MBP: variants seen among roughly 807,000 people sequenced by gnomAD.
The protein encoded by MBP is myelin basic protein.
Under a neutral mutation model 35.8 loss-of-function variants are expected in MBP, and 16 were observed. That is an observed-to-expected ratio of 0.45 (90% CI 0.30 to 0.68). The LOEUF is 0.68. MBP is among the 30% of genes least tolerant of loss of function. MBP has a pLI of 0.08. For missense variants in MBP, 380 were observed against 404.7 expected, an observed-to-expected ratio of 0.94 and a Z score of 0.52; for synonymous variants, 143 against 159.6, an observed-to-expected ratio of 0.90 and a Z score of 0.78.
At chr18:77,009,964 T>A in intron 4 of MBP, 1 of 1,455,534 alleles carries the variant, frequency 6.9e-7, no homozygotes, top group South Asian at 1.2e-5. Context: ...TGAGTCCGGG[T>A]GGGCGCCGCC....
At position 77,131,306 on chromosome 18, in the gene MBP, G is replaced by T. The variant is rs930183726; in HGVS notation, c.-26+1274C>A. ...ACGGTCCCCTGACTTGAGGGTGACCGTCCTTAAACTGTCCCCCGGAGCTTC... is the reference window on the plus strand; with the variant it reads ...ACGGTCCCCTGACTTGAGGGTGACCTTCCTTAAACTGTCCCCCGGAGCTTC... On this transcript the variant is annotated intron_variant, in intron 1 of 8. Coordinates refer to ENST00000355994, the MANE Select transcript of MBP (RefSeq NM_001025101.2). The surrounding 1 kb of genome is among the most constrained non-coding windows in gnomAD (Gnocchi z 5.5). 3.3e-5 allele frequency among the ~76,000 whole-genome samples: 5 copies of T among 152,146 alleles called. No individual in the cohort carries two copies. Among genetic ancestry groups the T allele is most frequent in the Non-Finnish European group, 5.9e-5 (4 of 68,028 alleles).
At chr18:76,997,847 G>A (rs8085851) in intron 4 of MBP, among the ~76,000 whole-genome samples, 2,425 of 151,948 alleles carry the variant, frequency 0.016, 42 homozygotes, top group African/African-American at 0.046. Context: ...ACGCCCGGCT[G>A]ATTTTTTTGT....
At chr18:77,080,304 G>C (rs978757695) in intron 2 of MBP, among the ~76,000 whole-genome samples, 5 of 152,242 alleles carry the variant, frequency 3.3e-5, no homozygotes, top group Non-Finnish European at 5.9e-5. Context: ...CATTTCAAAG[G>C]CATCCCCTTT....
chr18:77,130,368 A>C (rs1157840987), intron 1 of MBP, among the ~76,000 whole-genome samples: 1 of 149,640 alleles, frequency 6.7e-6, no homozygotes, highest in South Asian at 2.1e-4. Context: ...AGAGTAACTT[A>C]ACCTCTCTGG....
chr18:77,131,560 A>C lies in MBP; in HGVS notation c.-26+1020T>G, dbSNP rs1210237884. The C allele has an allele frequency of 1.3e-5, 2 of 152,064 alleles. No individual in the cohort carries two copies. The highest frequency in any genetic ancestry group is 4.8e-5 in the African/African-American group (2 of 41,394). The allele number at this position is 152,064 out of a possible 1,614,324, so 9.4% of individuals were successfully genotyped here. A position where few individuals can be genotyped will look rare whatever the true frequency, so the allele number is the denominator to read the frequency against. On this transcript the variant is annotated intron_variant, in intron 1 of 8. Transcript: ENST00000355994. This position sits in a 1 kb window ranked among gnomAD's most constrained non-coding sequence, Gnocchi z 5.5. The stretch of plus-strand genomic sequence containing the variant: ...TCACGTTGTTGCAATTGGAAAACGG[A>C]ACAAGGAACCAGAGCTCGCCTGTTT...
chr18:77,053,637 T>C (rs1255584977), intron 3 of MBP, among the ~76,000 whole-genome samples: 2 of 152,220 alleles, frequency 1.3e-5, no homozygotes, highest in Non-Finnish European at 2.9e-5. Context: ...AGAGGCAGAA[T>C]TCCTTACAGG....
At chr18:77,123,488 G>A (rs1309460286) in intron 1 of MBP, among the ~76,000 whole-genome samples, 1 of 152,214 alleles carries the variant, frequency 6.6e-6, no homozygotes, top group Non-Finnish European at 1.5e-5. Context: ...ATTCAGATGA[G>A]CTGTGTCGAC....
Position 77,122,125 on chromosome 18 carries a change from T to C in MBP, c.-26+10455A>G, listed in dbSNP as rs1388085640. ...TCAGTTGGATGATGATGAGTAGAAC[T>C]GGCAGAATCCGCCTCAGTTTATGCA... is the stretch of plus-strand genomic sequence containing the variant. On this transcript the variant is annotated intron_variant, in intron 1 of 8. Transcript: ENST00000355994. 2.0e-5 allele frequency among the ~76,000 whole-genome samples: 3 copies of C among 152,218 alleles called. No individual in the cohort carries two copies. In the East Asian group the frequency reaches 5.8e-4, roughly 29 times the overall value.
intron 2 of MBP, chr18:77,066,663 T>A: frequency 1.6e-6 from 1 of 644,764 alleles, no homozygotes; most frequent in Admixed American, 1.8e-5. Flanking sequence ...GTAAAATAAA[T>A]TAGCTACATG....
At chr18:77,041,490 G>A (rs141973164) in intron 3 of MBP, among the ~76,000 whole-genome samples, 2,169 of 152,212 alleles carry the variant, frequency 0.014, 50 homozygotes, top group African/African-American at 0.049. Context: ...TATGTTTATT[G>A]TGGCACTATT....
Position 77,123,740 on chromosome 18 carries a change from G to A in MBP, c.-26+8840C>T, listed in dbSNP as rs528721991. On this transcript the variant is annotated intron_variant, in intron 1 of 8. Transcript: ENST00000355994. ...CCTGGTGAGCAGGTCAGGGGGCCAC[G>A]GCAGATGCTTGGCTTGGGAGTTGGG... 7.9e-5 allele frequency among the ~76,000 whole-genome samples: 12 copies of A among 152,344 alleles called. No homozygotes were observed. In the South Asian group the frequency reaches 1.2e-3, roughly 16 times the overall value.
intron 3 of MBP, among the ~76,000 whole-genome samples, chr18:77,059,236 T>C (rs928340721): frequency 3.3e-5 from 5 of 152,170 alleles, no homozygotes; most frequent in Non-Finnish European, 5.9e-5. Flanking sequence ...TTCAATCATA[T>C]GGAATATTAA....
At chr18:77,028,765 C>T (rs1424886974) in intron 3 of MBP, among the ~76,000 whole-genome samples, 1 of 102,558 alleles carries the variant, frequency 9.8e-6, no homozygotes, top group African/African-American at 2.7e-5. Flanking sequence ...CCCCCACCTC[C>T]CTCCCGGACG....
intron 2 of MBP, among the ~76,000 whole-genome samples, chr18:77,086,478 T>C (rs939468413): frequency 1.3e-5 from 2 of 152,176 alleles, no homozygotes; most frequent in African/African-American, 2.4e-5. Context: ...GGTAATCAAA[T>C]CAAGTTAGAA....
Position 77,105,306 on chromosome 18 carries a change from T to C in MBP, c.-25-20A>G. 2 of 1,510,674 alleles carry C rather than the reference T, an allele frequency of 1.3e-6. No homozygotes were observed. Among genetic ancestry groups the C allele is most frequent in the South Asian group, 1.1e-5 (1 of 89,078 alleles). 93.6% of individuals were successfully genotyped at this position (1,510,674 alleles called of 1,614,324 possible). Reference sequence around the variant, plus strand: ...CAGAGGCTAAAAGAGAAAGAGAAAGTGTCAGCCCTAAGTCTAGTGCTCTTA... The same window carrying C: ...CAGAGGCTAAAAGAGAAAGAGAAAGCGTCAGCCCTAAGTCTAGTGCTCTTA... On this transcript the variant is annotated intron_variant, in intron 1 of 8. Transcript: ENST00000355994.
chr18:76,980,343 T>C lies in MBP; in HGVS notation c.*84A>G, dbSNP rs774462039. ...TAGGGGAGGGGTCATCTGCTCTAATTAGGTAACAGGGGCAAGTGGGATTAA... is the reference window on the plus strand; with the variant it reads ...TAGGGGAGGGGTCATCTGCTCTAATCAGGTAACAGGGGCAAGTGGGATTAA... On this transcript the variant is annotated 3_prime_UTR_variant, in exon 9 of 9. Transcript: ENST00000355994. The C allele has an allele frequency of 1.6e-6, 2 of 1,282,586 alleles. No homozygotes were observed. The highest frequency in any genetic ancestry group is 1.2e-5 in the South Asian group (1 of 84,414). The allele number at this position is 1,282,586 out of a possible 1,614,324, so 79.5% of individuals were successfully genotyped here. A position where few individuals can be genotyped will look rare whatever the true frequency, so the allele number is the denominator to read the frequency against.
chr18:76,986,976 C>T, intron 7 of MBP: 1 of 985,400 alleles, frequency 1.0e-6, no homozygotes, highest in Non-Finnish European at 1.2e-6. Context: ...GGAGAGAGTC[C>T]TGCGGCTCTG....
At chr18:77,106,592 G>A (rs1002951869) in intron 1 of MBP, among the ~76,000 whole-genome samples, 5 of 152,120 alleles carry the variant, frequency 3.3e-5, no homozygotes, top group Non-Finnish European at 5.9e-5. Context: ...TGAGGGGCTC[G>A]TGCAGGGAGA....
Position 76,988,581 on chromosome 18 carries a change from C to A in MBP, c.718-54G>T. On this transcript the variant is annotated intron_variant, in intron 6 of 8. Coordinates refer to ENST00000355994, the MANE Select transcript of MBP (RefSeq NM_001025101.2). This position sits in a 1 kb window ranked among gnomAD's most constrained non-coding sequence, Gnocchi z 5.2. The stretch of plus-strand genomic sequence containing the variant: ...CATGGTGGTCAGTGAAGGGAAAGTC[C>A]TTTCAATCAACAGGAAACACAGTCA... 1 of 1,581,654 alleles carries A rather than the reference C, an allele frequency of 6.3e-7. No homozygotes were observed. The highest frequency in any genetic ancestry group is 8.6e-7 in the Non-Finnish European group (1 of 1,164,030).
Sources: gnomAD v4.1 joint callset for allele counts (sites outside exome capture counted in the v4.1 genomes callset) on GRCh38, gnomAD v4.1.1 for gene constraint, Gnocchi (gnomAD v3.1) non-coding constraint, MANE v1.5 for transcripts, NCBI Gene and HGNC (gene_info 2026-07-23, HGNC 2026-07-21) for gene names.